The following RGS6 variants were observed in gnomAD, a reference collection of about 807,000 sequenced individuals.
RGS6 encodes regulator of G-protein signaling 6.
Under a neutral mutation model 78.5 loss-of-function variants are expected in RGS6, and 30 were observed. That is an observed-to-expected ratio of 0.38 (90% CI 0.29 to 0.52). The LOEUF is 0.52. Ranked by LOEUF, RGS6 falls within the 20% of genes least tolerant of loss-of-function variation. RGS6 has a pLI of 0.85. For synonymous variants in RGS6, 206 were observed against 206.0 expected (o/e 1.00, Z 0.00); for missense variants, 495 against 609.7 (o/e 0.81, Z 1.98).
the RGS6 span, among the ~76,000 whole-genome samples, chr14:72,589,336 G>A: frequency 6.6e-6 from 1 of 152,148 alleles, no homozygotes; most frequent in Admixed American, 6.5e-5. Context: ...TATCACTTGA[G>A]CCCAGGAGTT....
At chr14:72,053,007 T>C (rs61994802) in intron 2 of RGS6, among the ~76,000 whole-genome samples, 339 of 76,442 alleles carry the variant, frequency 4.4e-3, no homozygotes, top group Non-Finnish European at 7.5e-3. Context: ...CTCTCTCTCT[T>C]TCTTTCCTTC....
chr14:72,464,001 G>C (rs2095843344), intron 6 of RGS6, among the ~76,000 whole-genome samples: 2 of 152,326 alleles, frequency 1.3e-5, no homozygotes, highest in South Asian at 4.1e-4. Flanking sequence ...GCCTTGTGAA[G>C]TAGGACCAAA....
chr14:72,077,971 A>T (rs1168437139), intron 2 of RGS6, among the ~76,000 whole-genome samples: 2 of 152,110 alleles, frequency 1.3e-5, no homozygotes, highest in Non-Finnish European at 2.9e-5. Context: ...CCCCTCTACC[A>T]GTATTTTTCT....
chr14:72,520,200 T>TATCTCCCTC (rs1273728658), intron 15 of RGS6, among the ~76,000 whole-genome samples: 1 of 152,240 alleles, frequency 6.6e-6, no homozygotes, highest in Non-Finnish European at 1.5e-5. Flanking sequence ...CAATATCCTT[T>TATCTCCCTC]ATCTCCCTCC....
At position 72,455,160 on chromosome 14, in the gene RGS6, G is replaced by C. The variant is rs1258370772; in HGVS notation, c.235+582G>C. On this transcript the variant is annotated intron_variant, in intron 4 of 17. Coordinates refer to ENST00000553525, the MANE Select transcript of RGS6 (RefSeq NM_001204424.2). ...ACAGTGTAATTAGGAAATGGGGGGGGTGTTCCAGAAAAATAAAAATTCAAG... is the reference window on the plus strand; with the variant it reads ...ACAGTGTAATTAGGAAATGGGGGGGCTGTTCCAGAAAAATAAAAATTCAAG... Among the ~76,000 whole-genome samples the C allele has an allele frequency of 2.0e-5, 3 of 151,696 alleles. No individual in the cohort carries two copies. In the South Asian group the frequency reaches 6.3e-4, roughly 32 times the overall value.
intron 2 of RGS6, among the ~76,000 whole-genome samples, chr14:72,164,443 A>G (rs2096897504): frequency 6.6e-6 from 1 of 152,170 alleles, no homozygotes; most frequent in African/African-American, 2.4e-5. Context: ...GAAAGGAAGC[A>G]AGGATGAGTG....
intron 3 of RGS6, among the ~76,000 whole-genome samples, chr14:72,387,211 T>A (rs1566696925): frequency 6.6e-6 from 1 of 152,022 alleles, no homozygotes; most frequent in South Asian, 2.1e-4. Context: ...CAGATGTATA[T>A]AATTAGGCCC....
At chr14:72,173,602 G>A (rs569322158) in intron 2 of RGS6, among the ~76,000 whole-genome samples, 58 of 152,036 alleles carry the variant, frequency 3.8e-4, no homozygotes, top group Non-Finnish European at 7.6e-4. Context: ...CATTTCTTCC[G>A]TCCCTCTCCA....
rs180813930 is a variant in RGS6, at chr14:72,463,074, A to G, written c.395-2684A>G. 6.3e-3 allele frequency among the ~76,000 whole-genome samples: 967 copies of G among 152,330 alleles called. 6 individuals carry two copies. Among genetic ancestry groups the G allele is most frequent in the Non-Finnish European group, 8.5e-3 (578 of 68,036 alleles). On this transcript the variant is annotated intron_variant, in intron 6 of 17. Transcript: ENST00000553525. ...TATAATACATGAATGTGTTCCCTTT[A>G]TACAATTTTTAAATATGTCCCAGTT...
chr14:71,886,428 A>G, the RGS6 span, among the ~76,000 whole-genome samples: 1 of 152,242 alleles, frequency 6.6e-6, no homozygotes, highest in Admixed American at 6.5e-5. Context: ...ATGAATGAAT[A>G]TATGAGTGAG....
intron 3 of RGS6, among the ~76,000 whole-genome samples, chr14:72,396,048 A>G (rs1159283803): frequency 6.6e-6 from 1 of 152,150 alleles, no homozygotes; most frequent in East Asian, 1.9e-4. Flanking sequence ...GTATATACCC[A>G]GTAATGGGAT....
intron 2 of RGS6, among the ~76,000 whole-genome samples, chr14:72,160,495 G>A (rs906369334): frequency 5.3e-5 from 8 of 152,196 alleles, no homozygotes; most frequent in Non-Finnish European, 1.0e-4. Flanking sequence ...TGACCACTGT[G>A]ATGGGCTGAA....
chr14:72,096,357 C>T (rs72719822), intron 2 of RGS6, among the ~76,000 whole-genome samples: 9,012 of 151,720 alleles, frequency 0.059, 306 homozygotes, highest in Middle Eastern at 0.092. Flanking sequence ...TCACAGAAAA[C>T]GCATACTTTT....
At chr14:72,543,546 C>T (rs115063811) in intron 17 of RGS6, among the ~76,000 whole-genome samples, 75 of 152,340 alleles carry the variant, frequency 4.9e-4, no homozygotes, top group African/African-American at 1.7e-3. Context: ...CTTTGCTTCA[C>T]CTTCCAGCTG....
chr14:72,366,325 G>C (rs1392254871), intron 3 of RGS6, among the ~76,000 whole-genome samples: 1 of 152,124 alleles, frequency 6.6e-6, no homozygotes, highest in East Asian at 1.9e-4. Flanking sequence ...GGTTGGCCCA[G>C]GGAGTAAATG....
At chr14:71,945,756 G>T (rs1595023188) in intron 1 of RGS6, among the ~76,000 whole-genome samples, 1 of 152,124 alleles carries the variant, frequency 6.6e-6, no homozygotes, top group South Asian at 2.1e-4. Context: ...ATGTGTTTAA[G>T]CGAGAAGTAT....
At chr14:72,521,139 A>G (rs113976454) in intron 15 of RGS6, among the ~76,000 whole-genome samples, 6 of 152,126 alleles carry the variant, frequency 3.9e-5, no homozygotes, top group African/African-American at 1.4e-4. Flanking sequence ...TCAAATTCTG[A>G]CCTACAGGGG....
intron 2 of RGS6, among the ~76,000 whole-genome samples, chr14:72,050,572 T>C (rs1380767442): frequency 6.6e-6 from 1 of 152,144 alleles, no homozygotes; most frequent in Admixed American, 6.5e-5. Flanking sequence ...TTTAGGAATA[T>C]GATTACATGA....
At chr14:72,488,496 C>G (rs922045006) in intron 12 of RGS6, among the ~76,000 whole-genome samples, 1 of 152,244 alleles carries the variant, frequency 6.6e-6, no homozygotes, top group Admixed American at 6.5e-5. Flanking sequence ...ACCCACTTCT[C>G]TAATGATATT....
Sources: gnomAD v4.1 joint callset for allele counts (sites outside exome capture counted in the v4.1 genomes callset) on GRCh38, gnomAD v4.1.1 for gene constraint, MANE v1.5 for transcripts, NCBI Gene and HGNC (gene_info 2026-07-23, HGNC 2026-07-21) for gene names.